Variants in G3BP1 observed in about 807,000 individuals in gnomAD.
The protein encoded by G3BP1 is ras GTPase-activating protein-binding protein 1.
In G3BP1, 35 loss-of-function variants were observed where a neutral mutation model predicts 58.6. The ratio of observed to expected loss-of-function variants is 0.60; its 90% CI spans 0.46 to 0.79. G3BP1 has a LOEUF of 0.79. G3BP1 is among the 30% of genes least tolerant of loss of function. The pLI is 0.00. For missense variants in G3BP1, 523 were observed against 580.8 expected (o/e 0.90, Z 1.02); for synonymous variants, 191 against 195.4 (o/e 0.98, Z 0.19).
At chr5:151,799,745 A>G in intron 8 of G3BP1, 144 bp from the exon 9 acceptor site, 2 of 610,142 alleles carry the variant, frequency 3.3e-6, no homozygotes, top group South Asian at 2.1e-5. Flanking sequence ...GACGGAAGAG[A>G]AGGGTATAAG....
chr5:151,775,123 T>C (rs1762345711), intron 1 of G3BP1, among the ~76,000 whole-genome samples: 2 of 152,210 alleles, frequency 1.3e-5, no homozygotes, highest in South Asian at 4.1e-4. Flanking sequence ...ATAAGGTCTT[T>C]AGGCGACTTT....
intron 11 of G3BP1, among the ~76,000 whole-genome samples, chr5:151,801,457 TGTA>T (rs1371982080): frequency 2.0e-5 from 3 of 152,206 alleles, no homozygotes; most frequent in East Asian, 1.9e-4. Context: ...AACTACTTTT[TGTA>T]GTAGTAGAGA....
chr5:151,779,267 G>T (rs1289244135), intron 1 of G3BP1, among the ~76,000 whole-genome samples: 1 of 152,156 alleles, frequency 6.6e-6, no homozygotes, highest in Non-Finnish European at 1.5e-5. Flanking sequence ...GTTTTCTTTA[G>T]AAGTTCAGTT....
intron 3 of G3BP1, 118 bp from the exon 4 acceptor site, chr5:151,790,771 T>G (rs1762637386): frequency 4.7e-6 from 3 of 635,834 alleles, no homozygotes; most frequent in Non-Finnish European, 2.7e-6. Flanking sequence ...CTGCATATCC[T>G]GTAATTTAAA....
intron 11 of G3BP1, among the ~76,000 whole-genome samples, chr5:151,803,198 GTACT>G (rs1392511969): frequency 6.6e-6 from 1 of 152,196 alleles, no homozygotes; most frequent in Non-Finnish European, 1.5e-5. Flanking sequence ...AAATGTATAT[GTACT>G]TTGCATAAAT....
In G3BP1 at chr5:151,794,269, A is replaced by G. The variant is rs753759430; in HGVS notation, c.442+20A>G. 31 of 1,433,442 alleles carry G rather than the reference A, an allele frequency of 2.2e-5. 1 individual carries two copies. In the South Asian group the frequency reaches 3.5e-4, roughly 16 times the overall value. 88.8% of individuals were successfully genotyped at this position (1,433,442 alleles called of 1,614,324 possible). A position where few individuals can be genotyped will look rare whatever the true frequency, so the allele number is the denominator to read the frequency against. On this transcript the variant is annotated intron_variant, in intron 5 of 11. Coordinates refer to ENST00000356245, the MANE Select transcript of G3BP1 (RefSeq NM_005754.3). ...AGGAGGGTAAGTAGTGAAATACTTT[A>G]AATTACTTGTCTAAATTTTTTTTAA...
rs746850989 is a variant in G3BP1 at position 151,799,333 on chromosome 5, T to C, written c.843+20T>C. ...TCACAGGTAAGGTCCTAATAAAACT[T>C]GTACATTAGGCAAATTTACTTCTAT... On this transcript the variant is annotated intron_variant, in intron 8 of 11. Transcript: ENST00000356245. 1 of 1,203,262 alleles carries C rather than the reference T, an allele frequency of 8.3e-7. No homozygotes were observed. The highest frequency in any genetic ancestry group is 1.2e-6 in the Non-Finnish European group (1 of 805,202). The allele number at this position is 1,203,262 out of a possible 1,614,324, so 74.5% of individuals were successfully genotyped here.
intron 6 of G3BP1, among the ~76,000 whole-genome samples, chr5:151,796,491 C>T (rs1316891238): frequency 2.0e-5 from 3 of 152,202 alleles, no homozygotes; most frequent in Admixed American, 2.0e-4. Context: ...TGGTCTGGAA[C>T]TCCTAATCTC....
intron 2 of G3BP1, 38 bp from the exon 3 acceptor site, chr5:151,790,285 C>A: frequency 3.9e-6 from 4 of 1,026,752 alleles, no homozygotes; most frequent in African/African-American, 1.7e-5. Flanking sequence ...ACTTAAGATA[C>A]TTGAAGATGA....
chr5:151,808,288 AT>A lies in G3BP1; in HGVS notation c.*4199del, dbSNP rs1762967039. The A allele has an allele frequency of 1.3e-5, 2 of 152,214 alleles. No individual in the cohort carries two copies. The highest frequency in any genetic ancestry group is 4.1e-4 in the South Asian group (2 of 4,830). 9.4% of individuals were successfully genotyped at this position (152,214 alleles called of 1,614,324 possible). On this transcript the variant is annotated 3_prime_UTR_variant, in exon 12 of 12. Transcript: ENST00000356245. ...TGAGATAAAACTTGTTTATATTTAC[AT>A]TCTTATTAGTGGATAGATATCACCT...
Position 151,794,213 on chromosome 5 carries a change from G to A in G3BP1, c.406G>A (p.Glu136Lys). ...CAATGATATCTTCAGATACCAAGAT[G>A]AGGTCTTTGGTGGGTTTGTCACTGA... ...VHNDIFRYQDEVFGGFVTEPQ... is the reference protein window; with the variant it reads ...VHNDIFRYQDKVFGGFVTEPQ... Residue 136 changes from glutamate to lysine, a missense_variant, in exon 5 of 12, where the codon GAG becomes AAG. Physicochemically the swap from Glu to Lys is moderately conservative, Grantham distance 56 (BLOSUM62 1). Coordinates refer to ENST00000356245, the MANE Select transcript of G3BP1 (RefSeq NM_005754.3). The A allele has an allele frequency of 6.2e-7, 1 of 1,610,316 alleles. No homozygotes were observed. The highest frequency in any genetic ancestry group is 8.5e-7 in the Non-Finnish European group (1 of 1,176,644).
chr5:151,797,098 A>G (rs1432475831), intron 6 of G3BP1, 129 bp from the exon 7 acceptor site: 8 of 803,946 alleles, frequency 1.0e-5, no homozygotes, highest in African/African-American at 7.0e-5. Flanking sequence ...TAGATATACA[A>G]TTCTTAGATT....
Position 151,806,862 on chromosome 5 carries a change from G to T in G3BP1, c.*2771G>T, listed in dbSNP as rs1762945468. 3 of 152,076 alleles carry T rather than the reference G, an allele frequency of 2.0e-5. No homozygotes were observed. Among genetic ancestry groups the T allele is most frequent in the African/African-American group, 7.2e-5 (3 of 41,380 alleles). 9.4% of individuals were successfully genotyped at this position (152,076 alleles called of 1,614,324 possible). ...TTGTCAGGCTGGTCTCAAGCTCCTGGCCTCATCAGTTCTCCTGCCTTCCAA... is the reference window on the plus strand; with the variant it reads ...TTGTCAGGCTGGTCTCAAGCTCCTGTCCTCATCAGTTCTCCTGCCTTCCAA... On this transcript the variant is annotated 3_prime_UTR_variant, in exon 12 of 12. Coordinates refer to ENST00000356245, the MANE Select transcript of G3BP1 (RefSeq NM_005754.3).
rs1011392147 is a variant in G3BP1 at position 151,810,618 on chromosome 5, T to C, written c.*6527T>C. On this transcript the variant is annotated 3_prime_UTR_variant, in exon 12 of 12. Coordinates refer to ENST00000356245, the MANE Select transcript of G3BP1 (RefSeq NM_005754.3). ...TTTACTACTTTACTAGACTGTAAGC[T>C]CCTAGAAGATAAGGACTAGGGAGTT... 25 of 152,246 alleles carry C rather than the reference T, an allele frequency of 1.6e-4. No individual in the cohort carries two copies. Among genetic ancestry groups the C allele is most frequent in the African/African-American group, 6.0e-4 (25 of 41,462 alleles). 9.4% of individuals were successfully genotyped at this position (152,246 alleles called of 1,614,324 possible).
rs753903917 is a variant in G3BP1, at chr5:151,799,873, A to G, written c.844-16A>G. 1 of 1,472,052 alleles carries G rather than the reference A, an allele frequency of 6.8e-7. No individual in the cohort carries two copies. The highest frequency in any genetic ancestry group is 1.8e-5 in the Admixed American group (1 of 55,754). The allele number at this position is 1,472,052 out of a possible 1,614,324, so 91.2% of individuals were successfully genotyped here. A position where few individuals can be genotyped will look rare whatever the true frequency, so the allele number is the denominator to read the frequency against. ...CTGCTTTGTTTTAACACAAAAGTTA[A>G]CTTAAAATTTTTCAGCCCCGTCCAG... On this transcript the variant is annotated splice_polypyrimidine_tract_variant and intron_variant, in intron 8 of 11. Coordinates refer to ENST00000356245, the MANE Select transcript of G3BP1 (RefSeq NM_005754.3).
intron 11 of G3BP1, among the ~76,000 whole-genome samples, chr5:151,803,401 G>A (rs1302889658): frequency 1.3e-5 from 2 of 152,026 alleles, no homozygotes; most frequent in East Asian, 3.9e-4. Context: ...GGTTCAAGTT[G>A]CACTCCAGTC....
chr5:151,797,697 C>G (rs1025500767), intron 7 of G3BP1, among the ~76,000 whole-genome samples: 1 of 152,186 alleles, frequency 6.6e-6, no homozygotes, highest in Non-Finnish European at 1.5e-5. Context: ...CTGTAGCACC[C>G]TATCAGTGAT....
chr5:151,785,848 T>G (rs1319201126), intron 1 of G3BP1, among the ~76,000 whole-genome samples: 1 of 152,234 alleles, frequency 6.6e-6, no homozygotes, highest in Non-Finnish European at 1.5e-5. Flanking sequence ...TACTAAAAGT[T>G]TATCTGATTT....
intron 7 of G3BP1, 66 bp downstream of exon 7, chr5:151,797,494 TTTGTA>T: frequency 6.7e-7 from 1 of 1,496,190 alleles, no homozygotes; most frequent in East Asian, 2.4e-5. Flanking sequence ...TTTCTGTTCT[TTTGTA>T]TTGCTGTTTG....
Sources: gnomAD v4.1 joint callset for allele counts (sites outside exome capture counted in the v4.1 genomes callset) on GRCh38, gnomAD v4.1.1 for gene constraint, MANE v1.5 for transcripts, NCBI Gene and HGNC (gene_info 2026-07-23, HGNC 2026-07-21) for gene names.